The following RASA3 variants were observed in gnomAD, a reference collection of about 807,000 sequenced individuals.
RASA3 encodes the protein ras GTPase-activating protein 3.
A neutral mutation model predicts 110.0 loss-of-function variants in RASA3; 73 were observed. That is an observed-to-expected ratio of 0.66 (90% CI 0.55 to 0.81). The LOEUF (loss-of-function observed/expected upper bound fraction) is 0.81, where lower values mean the gene tolerates loss of function less well. Ranked by LOEUF, RASA3 falls within the 30% of genes least tolerant of loss-of-function variation. The pLI is 0.00. For missense variants in RASA3, 976 were observed against 1,113.2 expected, an observed-to-expected ratio of 0.88 and a Z score of 1.75; for synonymous variants, 500 against 451.4, an observed-to-expected ratio of 1.11 and a Z score of -1.37.
At chr13:114,052,386 C>T (rs1412805786) in intron 2 of RASA3, among the ~76,000 whole-genome samples, 2 of 152,192 alleles carry the variant, frequency 1.3e-5, no homozygotes, top group East Asian at 3.8e-4. Flanking sequence ...TACTGGGCTG[C>T]CTGGCGGCCC....
rs3934738 is a variant in RASA3 at position 114,122,186 on chromosome 13, G to A, written c.55+10249C>T. Among the ~76,000 whole-genome samples the A allele has an allele frequency of 7.2e-5, 11 of 152,322 alleles. No individual in the cohort carries two copies. The South Asian group carries it at 1.7e-3, about 23-fold the overall frequency. On this transcript the variant is annotated intron_variant, in intron 1 of 23. Coordinates refer to ENST00000334062, the MANE Select transcript of RASA3 (RefSeq NM_007368.4). ...CTGCTCCAGCCTTCAGGGCCCCTCC[G>A]CGGTCAGCCCCACCCCCGGCCAGCA... is the stretch of plus-strand genomic sequence containing the variant.
chr13:113,998,823 G>A (rs139583422), intron 20 of RASA3, among the ~76,000 whole-genome samples: 3 of 152,250 alleles, frequency 2.0e-5, no homozygotes, highest in African/African-American at 4.8e-5. Flanking sequence ...TGGGCCAGAC[G>A]GAGGGGGCAG....
intron 5 of RASA3, among the ~76,000 whole-genome samples, chr13:114,029,238 G>A (rs201571223): frequency 1.7e-4 from 3 of 17,236 alleles, no homozygotes; most frequent in Admixed American, 4.8e-4. Flanking sequence ...CCTCTAAAAC[G>A]GCATCATCCT....
At chr13:114,102,376 GAA>G in intron 1 of RASA3, among the ~76,000 whole-genome samples, 1 of 152,208 alleles carries the variant, frequency 6.6e-6, no homozygotes. Context: ...AGTGAAGGAG[GAA>G]GAGAGACGGA....
chr13:114,021,552 C>T (rs752233424), intron 8 of RASA3, 44 bp from the exon 9 acceptor site: 46 of 1,543,976 alleles, frequency 3.0e-5, no homozygotes, highest in Non-Finnish European at 3.9e-5. Flanking sequence ...GGCGGGCAGC[C>T]CGTGTGGAGC....
At chr13:114,127,764 T>C (rs2080469513) in intron 1 of RASA3, among the ~76,000 whole-genome samples, 1 of 151,932 alleles carries the variant, frequency 6.6e-6, no homozygotes, top group Admixed American at 6.6e-5. Context: ...AAAAAAAAAT[T>C]AATGGACAAT....
rs1566502179 is a variant in RASA3, at chr13:114,030,554, A to AGGG, written c.373-668_373-667insCCC. ...CACACAGAGGGCAAGACTCACACAG[A>AGGG]CAGCAAGGCTCACGGGGGCTTCTAG... On this transcript the variant is annotated intron_variant, in intron 4 of 23. Transcript: ENST00000334062. Among the ~76,000 whole-genome samples the AGGG allele has an allele frequency of 5.6e-4, 72 of 128,594 alleles. 1 individual carries two copies. The highest frequency in any genetic ancestry group is 1.7e-3 in the African/African-American group (62 of 35,764). 84.4% of individuals were successfully genotyped at this position (128,594 alleles called of 152,430 possible).
intron 4 of RASA3, among the ~76,000 whole-genome samples, chr13:114,033,323 C>A (rs1399707912): frequency 1.2e-5 from 1 of 81,718 alleles, no homozygotes; most frequent in Non-Finnish European, 2.3e-5. Flanking sequence ...CTTGATACCA[C>A]GTTCCACGGC....
At chr13:114,012,963 C>T (rs1457710642) in intron 15 of RASA3, among the ~76,000 whole-genome samples, 179 bp downstream of exon 15, 1 of 149,310 alleles carries the variant, frequency 6.7e-6, no homozygotes, top group Non-Finnish European at 1.5e-5. Context: ...CCATTCCACA[C>T]ACACTCCCCA....
intron 21 of RASA3, 41 bp from the exon 22 acceptor site, chr13:113,992,629 T>C (rs1705580685): frequency 3.6e-6 from 5 of 1,400,660 alleles, no homozygotes; most frequent in Admixed American, 1.7e-5. Context: ...AAAACACTTA[T>C]TTAAACGATG....
intron 2 of RASA3, among the ~76,000 whole-genome samples, chr13:114,052,826 T>C (rs1248416606): frequency 1.7e-3 from 93 of 53,248 alleles, no homozygotes; most frequent in African/African-American, 3.9e-3. Context: ...GGGGGAGAAA[T>C]CCCCACTGCT....
rs78831157 is a variant in RASA3, at chr13:114,015,306, G to A, written c.1308C>T (p.Arg436=). The A allele has an allele frequency of 1.1e-3, 1,812 of 1,613,020 alleles. 15 individuals carry two copies. In the African/African-American group the frequency reaches 0.019, roughly 17 times the overall value. Residue 436 remains arginine, a synonymous_variant, in exon 14 of 24, where the codon CGC becomes CGT. Coordinates refer to ENST00000334062, the MANE Select transcript of RASA3 (RefSeq NM_007368.4). ...CAGACTCAGTGATGGCGTGGAAGAC[G>A]CGGTCCACATACTGCCGTAGGTTCT... The part of the protein sequence containing the change: ...NMENLRQYVD[R]VFHAITESGV...
intron 4 of RASA3, among the ~76,000 whole-genome samples, chr13:114,030,447 G>GGGCAAGACTCACACAGGA (rs2054133177): frequency 1.1e-5 from 1 of 94,934 alleles, no homozygotes; most frequent in African/African-American, 4.3e-5. Context: ...CTCACACAGA[G>GGGCAAGACTCACACAGGA]GGCAAGGCTC....
chr13:114,009,617 C>A (rs1347111414), intron 16 of RASA3, among the ~76,000 whole-genome samples, 153 bp from the exon 17 acceptor site: 1 of 152,258 alleles, frequency 6.6e-6, no homozygotes, highest in African/African-American at 2.4e-5. Flanking sequence ...GCCCGCAGGG[C>A]TGCCCGGAGG....
At chr13:114,013,092 G>T (rs745693009) in intron 15 of RASA3, 50 bp downstream of exon 15, 2 of 1,515,634 alleles carry the variant, frequency 1.3e-6, no homozygotes, top group East Asian at 2.3e-5. Flanking sequence ...AACCCAGGCC[G>T]GCGTCGCAGG....
At chr13:113,992,818 C>T (rs773245696) in intron 21 of RASA3, among the ~76,000 whole-genome samples, 4 of 152,200 alleles carry the variant, frequency 2.6e-5, no homozygotes, top group African/African-American at 4.8e-5. Context: ...GGCTGCAAAC[C>T]GGAACTAACT....
At chr13:114,068,577 C>T (rs944603781) in intron 2 of RASA3, among the ~76,000 whole-genome samples, 1 of 152,122 alleles carries the variant, frequency 6.6e-6, no homozygotes, top group Admixed American at 6.5e-5. Flanking sequence ...CCTTGGGGAG[C>T]GGGGTCATCT....
intron 21 of RASA3, 113 bp from the exon 22 acceptor site, chr13:113,992,701 G>T: frequency 1.2e-6 from 1 of 866,054 alleles, no homozygotes. Flanking sequence ...TGTGTTGGAA[G>T]TGAAATTCGA....
rs1197930530 is a variant in RASA3, at chr13:114,114,374, T to G, written c.55+18061A>C. ...CCAGAACTCCTCTAGAAACATTCTC[T>G]GGGATATCTTGACCTGGCACGCAGA... is the stretch of plus-strand genomic sequence containing the variant. On this transcript the variant is annotated intron_variant, in intron 1 of 23. Coordinates refer to ENST00000334062, the MANE Select transcript of RASA3 (RefSeq NM_007368.4). The surrounding 1 kb of genome is among the most constrained non-coding windows in gnomAD (Gnocchi z 4.8). Among the ~76,000 whole-genome samples, 1 of 152,188 alleles carries G rather than the reference T, an allele frequency of 6.6e-6. No individual in the cohort carries two copies. Among genetic ancestry groups the G allele is most frequent in the Non-Finnish European group, 1.5e-5 (1 of 68,036 alleles).
Sources: allele counts gnomAD v4.1 joint callset (sites outside exome capture counted in the v4.1 genomes callset), GRCh38; gene constraint gnomAD v4.1.1; non-coding constraint Gnocchi (gnomAD v3.1); transcripts MANE v1.5; gene names NCBI Gene and HGNC (gene_info 2026-07-23, HGNC 2026-07-21).